Variants in ALPK3 observed in about 807,000 individuals in gnomAD.
ALPK3 encodes the protein alpha-protein kinase 3.
ALPK3 carries 102 observed loss-of-function variants against 140.0 expected under a neutral mutation model. The observed-to-expected ratio is 0.73, with a 90% CI of 0.62 to 0.86. The LOEUF (loss-of-function observed/expected upper bound fraction) is 0.86. Among genes scored for constraint, ALPK3 ranks in the 40% least tolerant of loss-of-function variants. ALPK3 has a pLI of 0.00. For missense variants in ALPK3, 2,254 were observed against 2,208.2 expected (o/e 1.02, Z -0.42); for synonymous variants, 938 against 898.5 (o/e 1.04, Z -0.79).
At position 84,858,509 on chromosome 15, in the gene ALPK3, G is replaced by A; in HGVS notation, c.3771G>A (p.Lys1257=). 6.3e-7 allele frequency: 1 copy of A among 1,586,462 alleles called. No homozygotes were observed. The change falls in exon 6 of 14, where the codon AAG becomes AAA. Residue 1257 remains lysine, a synonymous_variant. Transcript: ENST00000258888. ...LDTEVALDEG[K]QETLAKPRKA... ...CAGAGGTGGCCCTGGATGAAGGCAA[G>A]CAGGAGACACTGGCCAAGCCCAGGA...
At chr15:84,859,984 C>G in intron 8 of ALPK3, 53 bp from the exon 9 acceptor site, 2 of 1,613,922 alleles carry the variant, frequency 1.2e-6, no homozygotes, top group Non-Finnish European at 1.7e-6. Context: ...AGAGAAGGCA[C>G]TCTCTTGGCA....
rs1964048487 is a variant in ALPK3 at position 84,869,862 on chromosome 15, T to A, written c.*1406T>A. 1 of 152,512 alleles carries A rather than the reference T, an allele frequency of 6.6e-6. No homozygotes were observed. The highest frequency in any genetic ancestry group is 6.5e-5 in the Admixed American group (1 of 15,278). The allele number at this position is 152,512 out of a possible 1,614,324, so 9.4% of individuals were successfully genotyped here. On this transcript the variant is annotated 3_prime_UTR_variant, in exon 14 of 14. Coordinates refer to ENST00000258888, the MANE Select transcript of ALPK3 (RefSeq NM_020778.5). ...GCCCACTGGAAAAATGAATCTATAT[T>A]TTGGTTCCTGGACCGAAGTTCAGTC...
At chr15:84,864,724 G>A (rs1194456468) in intron 12 of ALPK3, 59 bp downstream of exon 12, 9 of 1,549,538 alleles carry the variant, frequency 5.8e-6, no homozygotes, top group Non-Finnish European at 8.0e-6. Flanking sequence ...GCATGCAGAG[G>A]AGGCAAAGCC....
At chr15:84,867,237 C>T (rs1041961179) in intron 12 of ALPK3, 80 bp from the exon 13 acceptor site, 2 of 1,485,708 alleles carry the variant, frequency 1.3e-6, no homozygotes, top group African/African-American at 1.4e-5. Flanking sequence ...CTAAGCCACC[C>T]AGTATATCTT....
At chr15:84,854,047 G>T (rs1963834698) in intron 5 of ALPK3, among the ~76,000 whole-genome samples, 1 of 151,882 alleles carries the variant, frequency 6.6e-6, no homozygotes, top group Non-Finnish European at 1.5e-5. Flanking sequence ...TCCTAATTTA[G>T]TAAAGTAACT....
In ALPK3 at chr15:84,817,560, C is replaced by T; in HGVS notation, c.108C>T (p.Ser36=). 5.3e-6 allele frequency: 8 copies of T among 1,501,960 alleles called. No homozygotes were observed. The highest frequency in any genetic ancestry group is 7.1e-6 in the Non-Finnish European group (8 of 1,131,174). 93.0% of individuals were successfully genotyped at this position (1,501,960 alleles called of 1,614,324 possible). ...DGPVWIPSPA[S]RSYLLSVRPE... ...CCGTGTGGATCCCCAGCCCAGCCAGCCGGAGCTACCTGCTCAGCGTGCGGC... is the reference window on the plus strand; with the variant it reads ...CCGTGTGGATCCCCAGCCCAGCCAGTCGGAGCTACCTGCTCAGCGTGCGGC... The change falls in exon 1 of 14, where the codon AGC becomes AGT. Residue 36 remains serine, a synonymous_variant. Coordinates refer to ENST00000258888, the MANE Select transcript of ALPK3 (RefSeq NM_020778.5).
intron 5 of ALPK3, among the ~76,000 whole-genome samples, chr15:84,849,987 T>A (rs1400024071): frequency 3.4e-5 from 5 of 144,932 alleles, no homozygotes; most frequent in African/African-American, 1.3e-4. Flanking sequence ...AATAAACTTC[T>A]GGCAAGACTT....
At chr15:84,859,529 AG>A (rs1963915447) in intron 7 of ALPK3, 139 bp downstream of exon 7, 1 of 1,329,812 alleles carries the variant, frequency 7.5e-7, no homozygotes, top group Admixed American at 2.8e-5. Context: ...CCCATAGTAG[AG>A]ATGAGAAAAT....
chr15:84,851,386 G>A (rs574560823), intron 5 of ALPK3, among the ~76,000 whole-genome samples: 21 of 152,184 alleles, frequency 1.4e-4, no homozygotes, highest in African/African-American at 4.6e-4. Flanking sequence ...GCTGAGGGAC[G>A]GGCCTCACTG....
chr15:84,840,319 C>A lies in ALPK3; in HGVS notation c.1040C>A (p.Pro347His), dbSNP rs1482109190. Reference sequence around the variant, plus strand: ...CGCCGTTCTTCAGAAAACTGCATCCCCAGCTCAGACGAGCCTGACTCCTGT... The same window carrying A: ...CGCCGTTCTTCAGAAAACTGCATCCACAGCTCAGACGAGCCTGACTCCTGT... ...QSRRSSENCIPSSDEPDSCGT... is the reference protein window; with the variant it reads ...QSRRSSENCIHSSDEPDSCGT... The change falls in exon 5 of 14, where the codon CCC becomes CAC. Residue 347 changes from proline (P) to histidine (H), a missense_variant. By Grantham distance (77) the Pro-to-His change is moderately conservative. This residue lies in a region of ALPK3 where 2,088 missense variants were observed against 2,022.9 expected (regional missense o/e 1.03). Coordinates refer to ENST00000258888, the MANE Select transcript of ALPK3 (RefSeq NM_020778.5). The A allele has an allele frequency of 6.2e-7, 1 of 1,614,078 alleles. No individual in the cohort carries two copies. The highest frequency in any genetic ancestry group is 1.6e-4 in the Middle Eastern group (1 of 6,062).
intron 3 of ALPK3, among the ~76,000 whole-genome samples, chr15:84,830,353 T>C (rs937845749): frequency 6.6e-6 from 1 of 152,232 alleles, no homozygotes; most frequent in Admixed American, 6.5e-5. Flanking sequence ...TTCCTGGATC[T>C]CATGTCTTCC....
intron 12 of ALPK3, among the ~76,000 whole-genome samples, chr15:84,865,290 A>C (rs1963990882): frequency 1.3e-5 from 2 of 152,292 alleles, no homozygotes; most frequent in South Asian, 4.1e-4. Context: ...AGGAACAGAG[A>C]AAATGCTCAG....
chr15:84,857,568 G>A lies in ALPK3; in HGVS notation c.2830G>A (p.Gly944Arg). The A allele has an allele frequency of 6.3e-7, 1 of 1,576,524 alleles. No individual in the cohort carries two copies. Among genetic ancestry groups the A allele is most frequent in the Non-Finnish European group, 8.6e-7 (1 of 1,160,358 alleles). ...GACAQVPDVE[G>R]RTPGPRSCDP... ...CTGCGCCCAGGTACCAGATGTGGAG[G>A]GGCGGACCCCAGGTCCCCGGAGCTG... is the stretch of plus-strand genomic sequence containing the variant. Residue 944 changes from glycine (G) to arginine (R), a missense_variant, in exon 6 of 14, where the codon GGG (glycine) becomes AGG (arginine). Gly to Arg is a moderately radical substitution (Grantham distance 125). Around this residue, in one of 3 missense-constraint regions of ALPK3, gnomAD observed 2,088 missense variants for 2,022.9 expected, o/e 1.03. Transcript: ENST00000258888.
At chr15:84,838,297 T>C (rs1271976718) in intron 3 of ALPK3, among the ~76,000 whole-genome samples, 1 of 152,100 alleles carries the variant, frequency 6.6e-6, no homozygotes, top group African/African-American at 2.4e-5. Context: ...CCCCTGAGGA[T>C]AGAGCCCTTA....
At position 84,859,257 on chromosome 15, in the gene ALPK3, C is replaced by T. The variant is rs201413329; in HGVS notation, c.3832C>T (p.Arg1278Trp). The T allele has an allele frequency of 2.5e-4, 400 of 1,614,054 alleles. No homozygotes were observed. The highest frequency in any genetic ancestry group is 2.0e-3 in the Middle Eastern group (12 of 6,034). Residue 1278 changes from arginine (R) to tryptophan (W), a missense_variant, in exon 7 of 14, where the codon CGG becomes TGG. Physicochemically the swap from Arg to Trp is moderately radical, Grantham distance 101. Transcript: ENST00000258888. ...CCTGCTCTCAGCCCCACAGGTGATC[C>T]GGAAGATTCGGGTGGAGCAGTTTCC... ...KDLLKAPQVI[R>W]KIRVEQFPDA...
At chr15:84,825,458 A>C (rs1424757494) in intron 2 of ALPK3, among the ~76,000 whole-genome samples, 1 of 152,132 alleles carries the variant, frequency 6.6e-6, no homozygotes, top group Non-Finnish European at 1.5e-5. Context: ...TACAGGCGTG[A>C]CCCACTGCAC....
Position 84,856,776 on chromosome 15 carries a change from A to G in ALPK3, c.2038A>G (p.Ile680Val). The G allele has an allele frequency of 1.2e-6, 2 of 1,614,124 alleles. No homozygotes were observed. Among genetic ancestry groups the G allele is most frequent in the Non-Finnish European group, 1.7e-6 (2 of 1,180,022 alleles). ...QLETTQAGEK[I>V]QEDRKAQADK... ...AGAAACAACACAGGCAGGTGAGAAG[A>G]TACAGGAAGACAGGAAGGCCCAGGC... The change falls in exon 6 of 14, where the codon ATA (isoleucine) becomes GTA (valine). Residue 680 changes from isoleucine to valine, a missense_variant. Ile to Val is a conservative substitution (Grantham distance 29, BLOSUM62 3). This residue lies in a region of ALPK3 where 2,088 missense variants were observed against 2,022.9 expected (regional missense o/e 1.03). Transcript: ENST00000258888.
In ALPK3 at chr15:84,863,641, G is replaced by GT. The variant is rs753084997; in HGVS notation, c.4499+2dup. The GT allele has an allele frequency of 5.2e-5, 84 of 1,613,728 alleles. No individual in the cohort carries two copies. Among genetic ancestry groups the GT allele is most frequent in the Non-Finnish European group, 6.7e-5 (79 of 1,179,864 alleles). Reference sequence around the variant, plus strand: ...CGCCTGGCTTTGGGGAGGTGCCTGAGTAAGTACGCAGCGAGGAGGACGTGC... The same window carrying GT: ...CGCCTGGCTTTGGGGAGGTGCCTGAGTTAAGTACGCAGCGAGGAGGACGTGC... On this transcript the variant is annotated splice_donor_variant, in intron 11 of 13. Transcript: ENST00000258888. LOFTEE classifies it high-confidence loss of function.
chr15:84,839,868 G>T lies in ALPK3; in HGVS notation c.589G>T (p.Glu197Ter), dbSNP rs1418106287. The T allele has an allele frequency of 1.2e-6, 2 of 1,614,094 alleles. No individual in the cohort carries two copies. Among genetic ancestry groups the T allele is most frequent in the East Asian group, 2.2e-5 (1 of 44,858 alleles). ...GGCTGCGGCAAAGCTGCGCGAGATCGAGCAGAGCTGGAAGCACGAGAAGGC... is the reference window on the plus strand; with the variant it reads ...GGCTGCGGCAAAGCTGCGCGAGATCTAGCAGAGCTGGAAGCACGAGAAGGC... ...RKAAAKLREI[E>*]QSWKHEKAVP... is the part of the protein sequence containing the mutation. Residue 197 changes from glutamate (E) to a stop codon, truncating the protein, a stop_gained, in exon 5 of 14, where the codon GAG becomes TAG. Transcript: ENST00000258888. LOFTEE classifies it high-confidence loss of function.
Sources: allele counts gnomAD v4.1 joint callset (sites outside exome capture counted in the v4.1 genomes callset), GRCh38; gene constraint gnomAD v4.1.1; regional missense constraint gnomAD v4.1.1; transcripts MANE v1.5; gene names NCBI Gene and HGNC (gene_info 2026-07-23, HGNC 2026-07-21).